Variants in R3HDM1 observed in about 807,000 individuals in gnomAD.
R3HDM1 encodes R3H domain-containing protein 1.
In R3HDM1, 46 loss-of-function variants were observed where a neutral mutation model predicts 141.1. That is an observed-to-expected ratio of 0.33 (90% CI 0.26 to 0.42). The LOEUF is 0.42. Ranked by LOEUF, R3HDM1 falls within the 10% of genes least tolerant of loss-of-function variation. The probability of loss-of-function intolerance (pLI) is 1.00; values close to 1 mark genes in which losing one functional copy is unlikely to be tolerated. For synonymous variants in R3HDM1, 435 were observed against 472.9 expected (o/e 0.92, Z 1.04); for missense variants, 1,184 against 1,368.3 (o/e 0.87, Z 2.12).
intron 1 of R3HDM1, chr2:135,576,867 G>C (rs1470333413): frequency 6.1e-6 from 1 of 163,184 alleles, no homozygotes; most frequent in African/African-American, 2.4e-5. Context: ...CTAAAGAGGG[G>C]TGACTGATGA....
chr2:135,645,224 T>C, intron 15 of R3HDM1, 155 bp from the exon 16 acceptor site: 1 of 630,242 alleles, frequency 1.6e-6, no homozygotes, highest in South Asian at 2.3e-5. Context: ...AGAGCAGGCA[T>C]TTCCCAACCT....
chr2:135,583,957 A>G, intron 1 of R3HDM1: 1 of 985,402 alleles, frequency 1.0e-6, no homozygotes. Flanking sequence ...ATATACTTCT[A>G]TTTTTGCAGA....
intron 1 of R3HDM1, among the ~76,000 whole-genome samples, chr2:135,545,425 A>G (rs1056925947): frequency 6.6e-6 from 1 of 152,328 alleles, no homozygotes; most frequent in African/African-American, 2.4e-5. Context: ...TGTTTTACAC[A>G]AGGTAGTCAG....
At chr2:135,655,943 G>T (rs943760940) in intron 18 of R3HDM1, among the ~76,000 whole-genome samples, 1 of 152,042 alleles carries the variant, frequency 6.6e-6, no homozygotes, top group Non-Finnish European at 1.5e-5. Context: ...TGATATTATT[G>T]CCATGTTAAC....
intron 1 of R3HDM1, among the ~76,000 whole-genome samples, chr2:135,571,058 C>A (rs943516569): frequency 6.6e-6 from 1 of 152,026 alleles, no homozygotes; most frequent in Non-Finnish European, 1.5e-5. Flanking sequence ...TTAAAACATG[C>A]CTATACTGCC....
intron 7 of R3HDM1, among the ~76,000 whole-genome samples, chr2:135,625,905 A>G (rs1185860911): frequency 6.6e-6 from 1 of 152,166 alleles, no homozygotes; most frequent in African/African-American, 2.4e-5. Flanking sequence ...CTTCATCTGT[A>G]TCCTTTATAA....
chr2:135,579,660 GAC>G (rs1468098710), intron 1 of R3HDM1, among the ~76,000 whole-genome samples: 1 of 151,238 alleles, frequency 6.6e-6, no homozygotes, highest in African/African-American at 2.5e-5. Flanking sequence ...AGTAATCTGA[GAC>G]ACGCCAGCGT....
intron 3 of R3HDM1, among the ~76,000 whole-genome samples, chr2:135,614,594 G>C (rs936952396): frequency 1.3e-5 from 2 of 152,168 alleles, no homozygotes; most frequent in African/African-American, 4.8e-5. Context: ...AAAAATTTAA[G>C]TCCAGCTTTT....
At chr2:135,546,451 G>C (rs575113563) in intron 1 of R3HDM1, among the ~76,000 whole-genome samples, 1 of 152,284 alleles carries the variant, frequency 6.6e-6, no homozygotes, top group South Asian at 2.1e-4. Flanking sequence ...GCTCAGTTGT[G>C]CTAAAAAGAG....
At chr2:135,561,281 A>G in intron 1 of R3HDM1, 1 of 984,874 alleles carries the variant, frequency 1.0e-6, no homozygotes, top group Non-Finnish European at 1.2e-6. Context: ...TCCTGATTAC[A>G]TTTTATCTGT....
chr2:135,681,955 A>G (rs573026133), intron 21 of R3HDM1, among the ~76,000 whole-genome samples: 1 of 151,792 alleles, frequency 6.6e-6, no homozygotes, highest in East Asian at 1.9e-4. Context: ...CAAAATGAAA[A>G]TAGAAATATG....
intron 5 of R3HDM1, among the ~76,000 whole-genome samples, chr2:135,617,164 A>C (rs1574386283): frequency 6.6e-6 from 1 of 152,180 alleles, no homozygotes; most frequent in Non-Finnish European, 1.5e-5. Flanking sequence ...TCTACTAAAA[A>C]AAATACAAAA....
chr2:135,686,093 G>A (rs959276679), intron 21 of R3HDM1, among the ~76,000 whole-genome samples: 1 of 152,162 alleles, frequency 6.6e-6, no homozygotes, highest in Non-Finnish European at 1.5e-5. Flanking sequence ...ATCATTAGAG[G>A]AATGCAAATC....
chr2:135,620,226 T>A (rs1245081164), intron 5 of R3HDM1: 1 of 900,896 alleles, frequency 1.1e-6, no homozygotes, highest in Non-Finnish European at 1.3e-6. Context: ...TTTCACTGGG[T>A]TCCTCTTGAG....
chr2:135,569,504 A>G (rs1470927397), intron 1 of R3HDM1, among the ~76,000 whole-genome samples: 2 of 152,090 alleles, frequency 1.3e-5, no homozygotes, highest in East Asian at 3.9e-4. Context: ...ATTCATAATC[A>G]CAGAGAAATA....
At chr2:135,539,217 T>G (rs190051336) in intron 1 of R3HDM1, among the ~76,000 whole-genome samples, 57 of 152,304 alleles carry the variant, frequency 3.7e-4, no homozygotes, top group South Asian at 6.2e-4. Flanking sequence ...TCTAAAATAA[T>G]GATAAGAAGT....
At chr2:135,560,074 A>G (rs894412646) in intron 1 of R3HDM1, among the ~76,000 whole-genome samples, 2 of 152,216 alleles carry the variant, frequency 1.3e-5, no homozygotes, top group Admixed American at 6.5e-5. Context: ...TGGCATGGAA[A>G]TCACTTGGTC....
At chr2:135,656,816 G>C (rs2065956402) in intron 18 of R3HDM1, among the ~76,000 whole-genome samples, 1 of 152,102 alleles carries the variant, frequency 6.6e-6, no homozygotes, top group Admixed American at 6.6e-5. Context: ...ATTGGCAGCC[G>C]GGCACAGTGG....
At chr2:135,621,380 G>A (rs2061497554) in intron 5 of R3HDM1, 114 bp from the exon 6 acceptor site, 1 of 553,074 alleles carries the variant, frequency 1.8e-6, no homozygotes, top group South Asian at 6.7e-5. Flanking sequence ...ATCCAGTTGG[G>A]TAAAATAATC....
Sources: gnomAD v4.1 joint callset for allele counts (sites outside exome capture counted in the v4.1 genomes callset) on GRCh38, gnomAD v4.1.1 for gene constraint, MANE v1.5 for transcripts, NCBI Gene and HGNC (gene_info 2026-07-23, HGNC 2026-07-21) for gene names.